TFDP1: variants seen among roughly 807,000 people sequenced by gnomAD.
The protein encoded by TFDP1 is DRTF1-polypeptide 1.
A neutral mutation model predicts 48.0 loss-of-function variants in TFDP1; 6 were observed. That is an observed-to-expected ratio of 0.13 (90% CI 0.07 to 0.25). The LOEUF (loss-of-function observed/expected upper bound fraction) is 0.25. TFDP1 is among the 10% of genes least tolerant of loss of function. The pLI is 1.00. For missense variants in TFDP1, 335 were observed against 543.0 expected (o/e 0.62, Z 3.81); for synonymous variants, 201 against 211.6 (o/e 0.95, Z 0.44).
rs1364036735 is a variant in TFDP1 at position 113,584,807 on chromosome 13, GCCCGCGCCTCTCCGCGCCGC to G, written c.-138_-119del. ...GCCGGGACCGCCCGGCCCGGCCCCA[GCCCGCGCCTCTCCGCGCCGC>G]CCCGCGCTCCGCACCGCGCCCTCTC... is the stretch of plus-strand genomic sequence containing the variant. On this transcript the variant is annotated 5_prime_UTR_variant, in exon 1 of 12. Coordinates refer to ENST00000375370, the MANE Select transcript of TFDP1 (RefSeq NM_007111.5). The G allele has an allele frequency of 6.8e-6, 1 of 146,004 alleles. No homozygotes were observed. Among genetic ancestry groups the G allele is most frequent in the Non-Finnish European group, 1.5e-5 (1 of 65,786 alleles). 9.0% of individuals were successfully genotyped at this position (146,004 alleles called of 1,614,324 possible). A position where few individuals can be genotyped will look rare whatever the true frequency, so the allele number is the denominator to read the frequency against.
intron 2 of TFDP1, among the ~76,000 whole-genome samples, chr13:113,603,745 GC>G (rs1412210989): frequency 2.6e-5 from 4 of 152,164 alleles, no homozygotes; most frequent in African/African-American, 9.7e-5. Context: ...GTTAGTTTTA[GC>G]CAAGGAGCAC....
intron 4 of TFDP1, among the ~76,000 whole-genome samples, chr13:113,630,006 G>A (rs2049291104): frequency 1.3e-5 from 2 of 152,182 alleles, no homozygotes; most frequent in South Asian, 4.1e-4. Flanking sequence ...GAGCTGGCGG[G>A]TTCTCAGTCT....
At position 113,613,587 on chromosome 13, in the gene TFDP1, AGTGT is replaced by A. The variant is rs67914818; in HGVS notation, c.79+2534_79+2537del. Among the ~76,000 whole-genome samples the A allele has an allele frequency of 2.9e-4, 30 of 104,152 alleles. 1 individual carries two copies. The highest frequency in any genetic ancestry group is 7.8e-4 in the South Asian group (3 of 3,826). The allele number at this position is 104,152 out of a possible 152,430, so 68.3% of individuals were successfully genotyped here. On this transcript the variant is annotated intron_variant, in intron 3 of 11. Coordinates refer to ENST00000375370, the MANE Select transcript of TFDP1 (RefSeq NM_007111.5). ...GTGCATACGAGTGTGTGTGTGCATGAGTGTGTGTGTGTATGCGTGAATGCGTGGG... is the reference window on the plus strand; with the variant it reads ...GTGCATACGAGTGTGTGTGTGCATGAGTGTGTGTATGCGTGAATGCGTGGG...
At chr13:113,591,025 A>AAAG (rs1321910329) in intron 2 of TFDP1, among the ~76,000 whole-genome samples, 14 of 148,640 alleles carry the variant, frequency 9.4e-5, no homozygotes, top group East Asian at 2.0e-4. Context: ...AAAAAAAAAA[A>AAAG]AAAAAGAAAA....
chr13:113,638,275 G>A (rs959666962), intron 11 of TFDP1, among the ~76,000 whole-genome samples: 8 of 151,912 alleles, frequency 5.3e-5, no homozygotes, highest in African/African-American at 1.7e-4. Flanking sequence ...TTCAGAACGC[G>A]TCTGCGGTCT....
chr13:113,601,823 G>A (rs2048436758), intron 2 of TFDP1, among the ~76,000 whole-genome samples: 1 of 152,220 alleles, frequency 6.6e-6, no homozygotes, highest in Admixed American at 6.5e-5. Context: ...TTACCCGCAG[G>A]AGTTGAGGGA....
At chr13:113,631,966 C>T (rs1161839924) in intron 5 of TFDP1, 7 of 572,392 alleles carry the variant, frequency 1.2e-5, no homozygotes, top group South Asian at 4.5e-5. Flanking sequence ...CCGCCCACCC[C>T]GCTTTGTGTC....
At chr13:113,614,159 T>C (rs534040716) in intron 3 of TFDP1, among the ~76,000 whole-genome samples, 1 of 152,034 alleles carries the variant, frequency 6.6e-6, no homozygotes, top group East Asian at 1.9e-4. Context: ...TGCATGTGTG[T>C]GTGTTGTGTG....
At chr13:113,585,141 A>G (rs1341988581) in intron 1 of TFDP1, 2 of 143,234 alleles carry the variant, frequency 1.4e-5, no homozygotes, top group African/African-American at 5.0e-5. Context: ...TCCGCGCCCC[A>G]CGCTGGAGGT....
At chr13:113,630,780 G>A (rs778012376) in intron 4 of TFDP1, among the ~76,000 whole-genome samples, 3 of 151,448 alleles carry the variant, frequency 2.0e-5, no homozygotes, top group Non-Finnish European at 4.4e-5. Context: ...GAACTAAAGT[G>A]GTAAGACCTT....
At chr13:113,634,492 A>C in intron 7 of TFDP1, 42 bp from the exon 8 acceptor site, 1 of 1,568,016 alleles carries the variant, frequency 6.4e-7, no homozygotes, top group East Asian at 2.2e-5. Flanking sequence ...GCTCTGTGGA[A>C]CAGTTGTGAT....
rs1388594256 is a variant in TFDP1, at chr13:113,623,694, A to G, written c.186+408A>G. Among the ~76,000 whole-genome samples, 1 of 152,176 alleles carries G rather than the reference A, an allele frequency of 6.6e-6. No homozygotes were observed. The highest frequency in any genetic ancestry group is 1.5e-5 in the Non-Finnish European group (1 of 68,028). ...TGGAGACATCAGGCTGGGAAGCCAG[A>G]GAGGGATAGGGCCCTGGCCGTGGCT... On this transcript the variant is annotated intron_variant, in intron 4 of 11. Transcript: ENST00000375370. The surrounding 1 kb of genome is among the most constrained non-coding windows in gnomAD (Gnocchi z 5.2).
At chr13:113,610,937 C>A (rs185011956) in intron 2 of TFDP1, 59 bp from the exon 3 acceptor site, 6 of 1,532,594 alleles carry the variant, frequency 3.9e-6, no homozygotes, top group Non-Finnish European at 5.4e-6. Context: ...TTTTAAACAC[C>A]CCTAGTTTCG....
rs573465289 is a variant in TFDP1, at chr13:113,622,484, T to G, written c.80-696T>G. ...CCCAGGGTGCTCGCTACCACCTGGT[T>G]TACGGTTTCTTTGTTTAGTTCTCTC... On this transcript the variant is annotated intron_variant, in intron 3 of 11. Transcript: ENST00000375370. Among the ~76,000 whole-genome samples the G allele has an allele frequency of 2.6e-5, 4 of 152,330 alleles. No homozygotes were observed. In the South Asian group the frequency reaches 8.3e-4, roughly 32 times the overall value.
At chr13:113,634,716 T>G (rs1408359920) in intron 8 of TFDP1, 114 bp downstream of exon 8, 2 of 765,046 alleles carry the variant, frequency 2.6e-6, no homozygotes, top group Non-Finnish European at 4.3e-6. Flanking sequence ...AAATGACTGC[T>G]CTAAGATTCT....
In TFDP1 at chr13:113,598,131, C is replaced by T. The variant is rs2048329419; in HGVS notation, c.12+12282C>T. Among the ~76,000 whole-genome samples the T allele has an allele frequency of 6.6e-6, 1 of 152,146 alleles. No homozygotes were observed. The highest frequency in any genetic ancestry group is 6.5e-5 in the Admixed American group (1 of 15,278). On this transcript the variant is annotated intron_variant, in intron 2 of 11. Transcript: ENST00000375370. The surrounding 1 kb of genome is among the most constrained non-coding windows in gnomAD (Gnocchi z 4.2). ...TGGGAGCCACTTGCTGGTGCCTGGC[C>T]AAGTTCCCGTCTGGTCCCTCTACTC...
chr13:113,592,277 T>C (rs1025313889), intron 2 of TFDP1, among the ~76,000 whole-genome samples: 1 of 152,196 alleles, frequency 6.6e-6, no homozygotes, highest in African/African-American at 2.4e-5. Flanking sequence ...GACCTCAGCC[T>C]CCCAAGTAGC....
At chr13:113,626,007 T>C (rs76126507) in intron 4 of TFDP1, among the ~76,000 whole-genome samples, 304 of 107,164 alleles carry the variant, frequency 2.8e-3, no homozygotes, top group African/African-American at 6.1e-3. Context: ...TGTCCTCAGG[T>C]GTCTCTCACG....
At chr13:113,625,278 C>T (rs1284803267) in intron 4 of TFDP1, among the ~76,000 whole-genome samples, 2 of 128,870 alleles carry the variant, frequency 1.6e-5, no homozygotes, top group East Asian at 4.7e-4. Context: ...CCTCAGGTGT[C>T]TCTCACGTGT....
Sources: allele counts gnomAD v4.1 joint callset (sites outside exome capture counted in the v4.1 genomes callset), GRCh38; gene constraint gnomAD v4.1.1; non-coding constraint Gnocchi (gnomAD v3.1); transcripts MANE v1.5; gene names NCBI Gene and HGNC (gene_info 2026-07-23, HGNC 2026-07-21).